The following NCOA3 variants were observed in gnomAD, a reference collection of about 807,000 sequenced individuals.
NCOA3 encodes the protein nuclear receptor coactivator 3.
A neutral mutation model predicts 158.8 loss-of-function variants in NCOA3; 51 were observed. The ratio of observed to expected loss-of-function variants is 0.32; its 90% CI spans 0.26 to 0.41. The LOEUF (loss-of-function observed/expected upper bound fraction) is 0.41. Among genes scored for constraint, NCOA3 ranks in the 10% least tolerant of loss-of-function variants. The probability of loss-of-function intolerance (pLI) is 1.00; values close to 1 mark genes in which losing one functional copy is unlikely to be tolerated. For missense variants in NCOA3, 1,510 were observed against 1,746.6 expected, an observed-to-expected ratio of 0.86 and a Z score of 2.41; for synonymous variants, 537 against 592.4, an observed-to-expected ratio of 0.91 and a Z score of 1.36.
intron 2 of NCOA3, among the ~76,000 whole-genome samples, chr20:47,595,165 C>T (rs2085732682): frequency 6.6e-6 from 1 of 150,390 alleles, no homozygotes; most frequent in East Asian, 2.0e-4. Flanking sequence ...GCGGCGCCAT[C>T]TCGGCTCACT....
At chr20:47,506,212 A>G (rs1053130211) in intron 1 of NCOA3, among the ~76,000 whole-genome samples, 5 of 152,146 alleles carry the variant, frequency 3.3e-5, no homozygotes, top group African/African-American at 1.2e-4. Flanking sequence ...GGCATATTCC[A>G]TGAGTTTGGT....
At chr20:47,506,083 G>A (rs764501010) in intron 1 of NCOA3, among the ~76,000 whole-genome samples, 8 of 152,136 alleles carry the variant, frequency 5.3e-5, no homozygotes, top group Non-Finnish European at 1.0e-4. Flanking sequence ...GGGGTTACAG[G>A]CGTGAGCCAC....
At chr20:47,568,504 T>TA (rs1253479069) in intron 1 of NCOA3, among the ~76,000 whole-genome samples, 1 of 152,158 alleles carries the variant, frequency 6.6e-6, no homozygotes, top group Admixed American at 6.6e-5. Context: ...ATACCTTAAT[T>TA]AAAAAAATAC....
At position 47,655,214 on chromosome 20, in the gene NCOA3, C is replaced by T. The variant is rs1342344111; in HGVS notation, c.*1797C>T. 1 of 152,122 alleles carries T rather than the reference C, an allele frequency of 6.6e-6. No individual in the cohort carries two copies. Among genetic ancestry groups the T allele is most frequent in the African/African-American group, 2.4e-5 (1 of 41,408 alleles). 9.4% of individuals were successfully genotyped at this position (152,122 alleles called of 1,614,324 possible). A position where few individuals can be genotyped will look rare whatever the true frequency, so the allele number is the denominator to read the frequency against. On this transcript the variant is annotated 3_prime_UTR_variant, in exon 23 of 23. Coordinates refer to ENST00000371998, the MANE Select transcript of NCOA3 (RefSeq NM_181659.3). ...GCCTCTCTTTGACACCTGTTTTAGT[C>T]AGTTGGGAGGAAGGGAAAAATCAAG... is the stretch of plus-strand genomic sequence containing the variant.
rs917699393 is a variant in NCOA3 at position 47,638,864 on chromosome 20, C to G, written c.2513-144C>G. ...TGGCGGTGGTGGGTGAGGGCCACTT[C>G]CCTCACTTATTTTGTAAAGGAAGAC... is the stretch of plus-strand genomic sequence containing the variant. On this transcript the variant is annotated intron_variant, in intron 13 of 22. Coordinates refer to ENST00000371998, the MANE Select transcript of NCOA3 (RefSeq NM_181659.3). 9 of 663,926 alleles carry G rather than the reference C, an allele frequency of 1.4e-5. No homozygotes were observed. In the East Asian group the frequency reaches 2.2e-4, roughly 16 times the overall value. 41.1% of individuals were successfully genotyped at this position (663,926 alleles called of 1,614,324 possible).
Position 47,635,457 on chromosome 20 carries a change from C to T in NCOA3, c.1248C>T (p.Ala416=), listed in dbSNP as rs6125057. The change falls in exon 11 of 23, where the codon GCC becomes GCT. Residue 416 remains alanine (A), a synonymous_variant. Transcript: ENST00000371998. The part of the protein sequence containing the change: ...NQGLQMPSSR[A]YGLADPSTTG... ...GCTTACAGATGCCGAGCAGCAGGGC[C>T]TATGGCTTGGCAGACCCTAGCACCA... The T allele has an allele frequency of 2.2e-5, 36 of 1,614,006 alleles. No homozygotes were observed. In the Admixed American group the frequency reaches 5.8e-4, roughly 26 times the overall value.
At chr20:47,644,091 C>G (rs1202791173) in intron 17 of NCOA3, among the ~76,000 whole-genome samples, 1 of 145,426 alleles carries the variant, frequency 6.9e-6, no homozygotes, top group Non-Finnish European at 1.5e-5. Context: ...GTTTTTTTTT[C>G]TGACCTACTT....
chr20:47,638,199 TGCTGGTTCTTATCTA>T (rs2086547830), intron 13 of NCOA3, among the ~76,000 whole-genome samples: 1 of 152,236 alleles, frequency 6.6e-6, no homozygotes, highest in Admixed American at 6.5e-5. Flanking sequence ...CTTTGGTGTT[TGCTGGTTCTTATCTA>T]GCCCCTCTCC....
At chr20:47,620,497 A>G (rs1250995107) in intron 2 of NCOA3, among the ~76,000 whole-genome samples, 1 of 152,194 alleles carries the variant, frequency 6.6e-6, no homozygotes, top group Non-Finnish European at 1.5e-5. Context: ...AGGTTGCAAG[A>G]AAATAGTACA....
At chr20:47,550,517 A>G in intron 1 of NCOA3, among the ~76,000 whole-genome samples, 1 of 151,736 alleles carries the variant, frequency 6.6e-6, no homozygotes, top group African/African-American at 2.4e-5. Context: ...GTCAGAGTTT[A>G]ACAAGTGAAT....
Position 47,518,901 on chromosome 20 carries a change from C to T in NCOA3, c.-99+16882C>T, listed in dbSNP as rs145009958. Reference sequence around the variant, plus strand: ...CTGTAACTCCAGCACTTTGTGAGGCCGAGGTGGGTGGATCACTTGAGGTCA... The same window carrying T: ...CTGTAACTCCAGCACTTTGTGAGGCTGAGGTGGGTGGATCACTTGAGGTCA... On this transcript the variant is annotated intron_variant, in intron 1 of 22. Coordinates refer to ENST00000371998, the MANE Select transcript of NCOA3 (RefSeq NM_181659.3). Among the ~76,000 whole-genome samples, 258 of 151,934 alleles carry T rather than the reference C, an allele frequency of 1.7e-3. 1 individual carries two copies. The highest frequency in any genetic ancestry group is 5.8e-3 in the African/African-American group (240 of 41,440).
chr20:47,568,249 G>A (rs752408726), intron 1 of NCOA3, among the ~76,000 whole-genome samples: 4 of 152,250 alleles, frequency 2.6e-5, no homozygotes, highest in South Asian at 2.1e-4. Context: ...TGGCACTTCC[G>A]TTGTGCCAGA....
At chr20:47,514,579 G>A (rs1468478926) in intron 1 of NCOA3, among the ~76,000 whole-genome samples, 2 of 151,882 alleles carry the variant, frequency 1.3e-5, no homozygotes, top group Admixed American at 1.3e-4. Context: ...TTTTGGTAGA[G>A]ATTGGGTTTC....
intron 2 of NCOA3, among the ~76,000 whole-genome samples, chr20:47,619,465 T>A (rs1000888397): frequency 1.3e-5 from 2 of 151,636 alleles, no homozygotes; most frequent in African/African-American, 4.9e-5. Flanking sequence ...GGCAACATAG[T>A]GAGACCCTGT....
chr20:47,524,441 C>T (rs1188311757), intron 1 of NCOA3, among the ~76,000 whole-genome samples: 1 of 152,192 alleles, frequency 6.6e-6, no homozygotes, highest in Non-Finnish European at 1.5e-5. Flanking sequence ...ATACCCACCA[C>T]TCTGATGGTT....
chr20:47,623,594 C>T lies in NCOA3; in HGVS notation c.84-317C>T, dbSNP rs565436705. ...CCTGAGGTCAGGAGTTCAAGACCAG[C>T]CTGACCAACATGGTGAAACATCGTC... is the stretch of plus-strand genomic sequence containing the variant. On this transcript the variant is annotated intron_variant, in intron 3 of 22. Coordinates refer to ENST00000371998, the MANE Select transcript of NCOA3 (RefSeq NM_181659.3). 6.6e-5 allele frequency among the ~76,000 whole-genome samples: 10 copies of T among 151,906 alleles called. No individual in the cohort carries two copies. In the East Asian group the frequency reaches 1.9e-3, roughly 29 times the overall value.
intron 19 of NCOA3, among the ~76,000 whole-genome samples, chr20:47,649,419 C>G (rs929951969): frequency 1.3e-5 from 2 of 152,086 alleles, no homozygotes; most frequent in Non-Finnish European, 1.5e-5. Context: ...TTTAATAAAT[C>G]TGTAAATGTT....
chr20:47,620,057 G>T (rs1333859178), intron 2 of NCOA3, among the ~76,000 whole-genome samples: 1 of 152,000 alleles, frequency 6.6e-6, no homozygotes, highest in Non-Finnish European at 1.5e-5. Context: ...GCCTCCCAAA[G>T]TGGTGGGATT....
chr20:47,632,462 A>G (rs1390426528), intron 8 of NCOA3, among the ~76,000 whole-genome samples: 2 of 148,208 alleles, frequency 1.3e-5, no homozygotes, highest in Non-Finnish European at 1.5e-5. Flanking sequence ...ATCTCAGCTC[A>G]CTGTAACCTC....
Sources: allele counts gnomAD v4.1 joint callset (sites outside exome capture counted in the v4.1 genomes callset), GRCh38; gene constraint gnomAD v4.1.1; transcripts MANE v1.5; gene names NCBI Gene and HGNC (gene_info 2026-07-23, HGNC 2026-07-21).